SH3BGRL: variants seen among roughly 807,000 people sequenced by gnomAD.
SH3BGRL encodes adapter SH3BGRL.
In SH3BGRL, 7 loss-of-function variants were observed where a neutral mutation model predicts 9.8. That is an observed-to-expected ratio of 0.72 (90% CI 0.41 to 1.35). The LOEUF is 1.35. SH3BGRL is among the 40% of genes most tolerant of loss of function. The pLI is 0.01. For synonymous variants in SH3BGRL, 36 were observed against 29.1 expected (o/e 1.24, Z -0.76); for missense variants, 73 against 84.4 (o/e 0.86, Z 0.53).
rs2075590014 is a variant in SH3BGRL at position 81,218,773 on chromosome X, A to G, written c.45+16528A>G. On this transcript the variant is annotated intron_variant, in intron 1 of 3. Coordinates refer to ENST00000373212, the MANE Select transcript of SH3BGRL (RefSeq NM_003022.3). ...CAGATATATAGATATAGATATATAT[A>G]CACATATATATCTGTATGTATATAT... Among the ~76,000 whole-genome samples, 3 of 96,600 alleles carry G rather than the reference A, an allele frequency of 3.1e-5. No homozygotes were observed. The South Asian group carries it at 1.5e-3, about 50-fold the overall frequency. 83.9% of individuals were successfully genotyped at this position (96,600 alleles called of 115,157 possible).
At chrX:81,218,697 G>C (rs1325206581) in intron 1 of SH3BGRL, among the ~76,000 whole-genome samples, 1 of 102,617 alleles carries the variant, frequency 9.7e-6, no homozygotes, top group African/African-American at 3.5e-5. Flanking sequence ...ATATATATGT[G>C]TATATATACA....
intron 3 of SH3BGRL, among the ~76,000 whole-genome samples, chrX:81,292,099 C>T (rs1235674895): frequency 1.8e-5 from 2 of 111,714 alleles, no homozygotes; most frequent in African/African-American, 3.3e-5. Context: ...CTACACTAGG[C>T]AGTACCCCAG....
intron 1 of SH3BGRL, among the ~76,000 whole-genome samples, chrX:81,248,273 C>T (rs757668361): frequency 3.6e-5 from 4 of 111,691 alleles, no homozygotes; most frequent in African/African-American, 9.8e-5. Context: ...CCTACAAGCC[C>T]GTAGATGGCA....
At chrX:81,234,985 T>C (rs2075643372) in intron 1 of SH3BGRL, among the ~76,000 whole-genome samples, 1 of 111,815 alleles carries the variant, frequency 8.9e-6, no homozygotes, top group South Asian at 3.7e-4. Context: ...TTAAATCTCA[T>C]GTAATGGAAC....
intron 1 of SH3BGRL, among the ~76,000 whole-genome samples, chrX:81,216,182 T>G (rs1388097445): frequency 8.9e-6 from 1 of 111,837 alleles, no homozygotes; most frequent in Non-Finnish European, 1.9e-5. Context: ...CCTTGTTTTT[T>G]TTCCCTCTCT....
chrX:81,283,681 A>C (rs1602627845), intron 3 of SH3BGRL, among the ~76,000 whole-genome samples: 1 of 111,721 alleles, frequency 9.0e-6, no homozygotes, highest in East Asian at 2.8e-4. Flanking sequence ...ATGTAATAAA[A>C]GCCACCTATG....
At chrX:81,244,391 A>G (rs908168610) in intron 1 of SH3BGRL, among the ~76,000 whole-genome samples, 3 of 111,859 alleles carry the variant, frequency 2.7e-5, no homozygotes, top group African/African-American at 9.8e-5. Context: ...TCTATGAAAA[A>G]TTTTAGCTGA....
At chrX:81,216,701 C>T (rs5959855) in intron 1 of SH3BGRL, among the ~76,000 whole-genome samples, 1,799 of 110,968 alleles carry the variant, frequency 0.016, 37 homozygotes, top group African/African-American at 0.056. Context: ...AAAGTTTGTC[C>T]TTCTGTGCCT....
chrX:81,286,810 A>T (rs998022537), intron 3 of SH3BGRL, among the ~76,000 whole-genome samples: 34 of 111,396 alleles, frequency 3.1e-4, no homozygotes, highest in Admixed American at 1.9e-3. Flanking sequence ...CTTGCTCTTA[A>T]AGCTCTCTGT....
chrX:81,225,616 A>T (rs2075614417), intron 1 of SH3BGRL, among the ~76,000 whole-genome samples: 1 of 111,539 alleles, frequency 9.0e-6, no homozygotes, highest in African/African-American at 3.3e-5. Context: ...GTAGTATTCC[A>T]TGGTGTATAT....
rs2075572740 is a variant in SH3BGRL at position 81,213,697 on chromosome X, A to G, written c.45+11452A>G. 3.6e-5 allele frequency among the ~76,000 whole-genome samples: 4 copies of G among 112,201 alleles called. No homozygotes were observed. The Admixed American group carries it at 3.8e-4, about 11-fold the overall frequency. On this transcript the variant is annotated intron_variant, in intron 1 of 3. Coordinates refer to ENST00000373212, the MANE Select transcript of SH3BGRL (RefSeq NM_003022.3). ...TAGAATAGTACTATTTCAAAATTCA[A>G]CAAAGTGATGAGTAGCAACTTATCA...
intron 1 of SH3BGRL, among the ~76,000 whole-genome samples, chrX:81,255,852 A>G (rs768013620): frequency 1.2e-3 from 139 of 112,541 alleles, no homozygotes; most frequent in Non-Finnish European, 2.3e-3. Context: ...TAACAAAGAG[A>G]CGTTTTACTG....
At chrX:81,226,526 A>C (rs184984765) in intron 1 of SH3BGRL, among the ~76,000 whole-genome samples, 69 of 102,426 alleles carry the variant, frequency 6.7e-4, no homozygotes, top group South Asian at 5.0e-3. Flanking sequence ...ATATATCTAT[A>C]TCTCTCTCTC....
chrX:81,224,324 G>T (rs372286595), intron 1 of SH3BGRL, among the ~76,000 whole-genome samples: 1 of 111,228 alleles, frequency 9.0e-6, no homozygotes, highest in African/African-American at 3.3e-5. Flanking sequence ...AGGGAAATGG[G>T]TTAACCTTTG....
chrX:81,209,014 T>G (rs948232722), intron 1 of SH3BGRL, among the ~76,000 whole-genome samples: 2 of 102,863 alleles, frequency 1.9e-5, no homozygotes, highest in African/African-American at 3.6e-5. Flanking sequence ...TTTTTTTTTT[T>G]TTTTTTTTTT....
intron 1 of SH3BGRL, among the ~76,000 whole-genome samples, chrX:81,269,668 C>T (rs2075770999): frequency 9.0e-6 from 1 of 111,112 alleles, no homozygotes; most frequent in African/African-American, 3.3e-5. Context: ...TTCATTTCAA[C>T]CTTGGTGAAT....
At chrX:81,270,622 C>G (rs2075775086) in intron 1 of SH3BGRL, among the ~76,000 whole-genome samples, 1 of 111,885 alleles carries the variant, frequency 8.9e-6, no homozygotes. Context: ...GGGCACCCAC[C>G]TGTATGAGGT....
chrX:81,287,225 AC>A (rs2075837870), intron 3 of SH3BGRL, among the ~76,000 whole-genome samples: 1 of 112,069 alleles, frequency 8.9e-6, no homozygotes, highest in Non-Finnish European at 1.9e-5. Context: ...AAATTGACAA[AC>A]TTTTAGCCAG....
chrX:81,265,344 A>G (rs1302996987), intron 1 of SH3BGRL, among the ~76,000 whole-genome samples: 2 of 107,924 alleles, frequency 1.9e-5, no homozygotes, highest in Admixed American at 9.9e-5. Flanking sequence ...ATTTCTCCCA[A>G]TGTTATCCCT....
Sources: gnomAD v4.1 joint callset for allele counts (sites outside exome capture counted in the v4.1 genomes callset) on GRCh38, gnomAD v4.1.1 for gene constraint, MANE v1.5 for transcripts, NCBI Gene and HGNC (gene_info 2026-07-23, HGNC 2026-07-21) for gene names.